The following GFRA1 variants were observed in gnomAD, a reference collection of about 807,000 sequenced individuals.
GFRA1 encodes the protein GDNF family receptor alpha-1.
GFRA1 carries 16 observed loss-of-function variants against 51.6 expected under a neutral mutation model. The ratio of observed to expected loss-of-function variants is 0.31; its 90% CI spans 0.21 to 0.47. The LOEUF is 0.47. Among genes scored for constraint, GFRA1 ranks in the 20% least tolerant of loss-of-function variants. GFRA1 has a pLI of 1.00. For synonymous variants in GFRA1, 270 were observed against 241.3 expected (o/e 1.12, Z -1.10); for missense variants, 530 against 594.3 (o/e 0.89, Z 1.13).
At chr10:116,092,767 G>C (rs995135350) in intron 8 of GFRA1, among the ~76,000 whole-genome samples, 1 of 151,608 alleles carries the variant, frequency 6.6e-6, no homozygotes. Context: ...GAGGACTCTT[G>C]TGTAGATTAC....
At chr10:116,116,538 G>C (rs1424138921) in intron 6 of GFRA1, among the ~76,000 whole-genome samples, 1 of 152,234 alleles carries the variant, frequency 6.6e-6, no homozygotes, top group Non-Finnish European at 1.5e-5. Context: ...GAGTGTGCAT[G>C]CCTGGGAGGG....
chr10:116,064,618 T>TC (rs1565547813), intron 10 of GFRA1, 74 bp from the exon 11 acceptor site: 5 of 1,330,188 alleles, frequency 3.8e-6, no homozygotes, highest in African/African-American at 1.4e-5. Context: ...ACACTCTCTC[T>TC]CCCCCCGACT....
At position 116,103,238 on chromosome 10, in the gene GFRA1, G is replaced by T. The variant is rs116092423; in HGVS notation, c.771-6474C>A. 7.8e-3 allele frequency among the ~76,000 whole-genome samples: 1,182 copies of T among 152,182 alleles called. 17 individuals carry two copies. The highest frequency in any genetic ancestry group is 0.027 in the African/African-American group (1,102 of 41,504). On this transcript the variant is annotated intron_variant, in intron 6 of 10. Coordinates refer to ENST00000355422, the MANE Select transcript of GFRA1 (RefSeq NM_005264.8). ...GAGACTTAAATGACAATTATATAAA[G>T]CTCCTCACCCAGAACCCAGAATACA...
intron 5 of GFRA1, among the ~76,000 whole-genome samples, chr10:116,202,222 T>C (rs1201367573): frequency 6.6e-6 from 1 of 151,942 alleles, no homozygotes; most frequent in Non-Finnish European, 1.5e-5. Context: ...GGGAGAAAAG[T>C]GCTAACAGAA....
chr10:116,234,933 G>A (rs185088413), intron 4 of GFRA1, among the ~76,000 whole-genome samples: 14 of 152,248 alleles, frequency 9.2e-5, no homozygotes, highest in African/African-American at 3.4e-4. Context: ...TTTATAAGAG[G>A]CTTTTTCCCC....
At chr10:116,105,944 A>G (rs992703848) in intron 6 of GFRA1, among the ~76,000 whole-genome samples, 1 of 152,196 alleles carries the variant, frequency 6.6e-6, no homozygotes, top group Non-Finnish European at 1.5e-5. Flanking sequence ...AGATATAATT[A>G]TGGTCATGGA....
intron 5 of GFRA1, among the ~76,000 whole-genome samples, chr10:116,208,635 C>A (rs1964962052): frequency 6.6e-6 from 1 of 152,162 alleles, no homozygotes; most frequent in Non-Finnish European, 1.5e-5. Flanking sequence ...ATGGTGAAAT[C>A]TTTATACCGC....
At chr10:116,108,308 A>G (rs1279590129) in intron 6 of GFRA1, among the ~76,000 whole-genome samples, 1 of 152,160 alleles carries the variant, frequency 6.6e-6, no homozygotes, top group African/African-American at 2.4e-5. Flanking sequence ...TCCTTCTTAG[A>G]TAGGGCATTG....
chr10:116,071,326 T>C (rs1316991394), intron 9 of GFRA1, among the ~76,000 whole-genome samples: 1 of 152,200 alleles, frequency 6.6e-6, no homozygotes, highest in Non-Finnish European at 1.5e-5. Flanking sequence ...TACATTAAAC[T>C]CTTAGAAGGC....
At chr10:116,225,936 T>C (rs1966264971) in intron 4 of GFRA1, among the ~76,000 whole-genome samples, 1 of 152,244 alleles carries the variant, frequency 6.6e-6, no homozygotes, top group South Asian at 2.1e-4. Flanking sequence ...GCTGTTGCTA[T>C]ATTTTGAACG....
chr10:116,181,656 GAGACAGAGTCTCAC>G (rs1962235110), intron 5 of GFRA1, among the ~76,000 whole-genome samples: 11 of 140,236 alleles, frequency 7.8e-5, no homozygotes, highest in African/African-American at 2.9e-4. Flanking sequence ...GTTTTTTTTT[GAGACAGAGTCTCAC>G]TGTATCACCC....
intron 3 of GFRA1, among the ~76,000 whole-genome samples, chr10:116,270,193 C>A (rs149885685): frequency 9.3e-4 from 142 of 152,298 alleles, no homozygotes; most frequent in African/African-American, 3.2e-3. Flanking sequence ...TCCCATTGGA[C>A]TGGATGGTTG....
At chr10:116,154,288 T>C (rs2134150470) in intron 5 of GFRA1, among the ~76,000 whole-genome samples, 1 of 152,328 alleles carries the variant, frequency 6.6e-6, no homozygotes, top group South Asian at 2.1e-4. Context: ...CATTGCTGCT[T>C]GATTTATAGC....
At chr10:116,209,708 G>A (rs1041422537) in intron 5 of GFRA1, among the ~76,000 whole-genome samples, 20 of 152,030 alleles carry the variant, frequency 1.3e-4, no homozygotes, top group African/African-American at 4.3e-4. Flanking sequence ...TGGAGATCAC[G>A]GTTTTAGATT....
At chr10:116,202,068 T>C (rs930350588) in intron 5 of GFRA1, among the ~76,000 whole-genome samples, 1 of 152,202 alleles carries the variant, frequency 6.6e-6, no homozygotes, top group Non-Finnish European at 1.5e-5. Flanking sequence ...TCCACTTTCA[T>C]TCATCAAACA....
chr10:116,254,274 A>T (rs10736247), intron 4 of GFRA1, among the ~76,000 whole-genome samples: 144,743 of 147,610 alleles, frequency 0.98, 71,035 homozygotes, highest in East Asian at 1. Context: ...GTGAGCCAAG[A>T]TCGTGCCACT....
chr10:116,070,572 C>G (rs1955334569), intron 9 of GFRA1, among the ~76,000 whole-genome samples: 1 of 152,160 alleles, frequency 6.6e-6, no homozygotes. Context: ...ATCATTCACA[C>G]TGTATTTTAA....
intron 5 of GFRA1, among the ~76,000 whole-genome samples, chr10:116,151,556 A>C (rs1565612854): frequency 6.6e-6 from 1 of 152,166 alleles, no homozygotes. Flanking sequence ...ACTTGAATGA[A>C]AACATAGATC....
upstream of GFRA1, chr10:116,273,558 C>G (rs1023292786): frequency 1.3e-5 from 2 of 152,594 alleles, no homozygotes; most frequent in African/African-American, 2.4e-5. Flanking sequence ...CACACGCCCG[C>G]TTGCGGTGGG....
Sources: gnomAD v4.1 joint callset for allele counts (sites outside exome capture counted in the v4.1 genomes callset) on GRCh38, gnomAD v4.1.1 for gene constraint, MANE v1.5 for transcripts, NCBI Gene and HGNC (gene_info 2026-07-23, HGNC 2026-07-21) for gene names.